The following KAZN variants were observed in gnomAD, a reference collection of about 807,000 sequenced individuals.
KAZN encodes kazrin.
In KAZN, 40 loss-of-function variants were observed where a neutral mutation model predicts 87.4. That is an observed-to-expected ratio of 0.46 (90% CI 0.36 to 0.60). KAZN has a LOEUF of 0.60. KAZN is among the 20% of genes least tolerant of loss of function. KAZN has a pLI of 0.00. For missense variants in KAZN, 898 were observed against 1,073.9 expected (o/e 0.84, Z 2.29); for synonymous variants, 466 against 458.3 (o/e 1.02, Z -0.22).
In KAZN at chr1:14,533,018, T is replaced by C. The variant is rs920626887; in HGVS notation, c.250-65965T>C. 1.4e-4 allele frequency among the ~76,000 whole-genome samples: 22 copies of C among 152,194 alleles called. 1 individual carries two copies. The highest frequency in any genetic ancestry group is 1.2e-3 in the Admixed American group (19 of 15,278). On this transcript the variant is annotated intron_variant, in intron 2 of 16. Transcript: ENST00000636203. ...GGATGGCTGGGTCAGATGGTATTTC[T>C]AGTTCTAGATCCCTGAGGAATCGCC...
chr1:14,306,988 A>G (rs755290460), intron 2 of KAZN, among the ~76,000 whole-genome samples: 4 of 152,170 alleles, frequency 2.6e-5, no homozygotes, highest in African/African-American at 4.8e-5. Flanking sequence ...GTGACGTCCA[A>G]TTCTACCAGT....
At chr1:14,846,296 G>A (rs1161924325) in intron 1 of KAZN, among the ~76,000 whole-genome samples, 1 of 152,138 alleles carries the variant, frequency 6.6e-6, no homozygotes, top group Non-Finnish European at 1.5e-5. Flanking sequence ...TTTGACTATG[G>A]AGCTTTTTGT....
chr1:14,401,142 A>C (rs1159652756), intron 2 of KAZN, among the ~76,000 whole-genome samples: 1 of 152,218 alleles, frequency 6.6e-6, no homozygotes, highest in Non-Finnish European at 1.5e-5. Flanking sequence ...TAAGGCTTCA[A>C]GGAAGTGATG....
chr1:14,073,610 C>T (rs1350586528), intron 1 of KAZN, among the ~76,000 whole-genome samples: 2 of 151,888 alleles, frequency 1.3e-5, no homozygotes, highest in East Asian at 1.9e-4. Context: ...TCCATGTGTT[C>T]TCATTGTTCA....
intron 2 of KAZN, among the ~76,000 whole-genome samples, chr1:14,371,574 A>AG (rs2101017707): frequency 6.6e-6 from 1 of 152,244 alleles, no homozygotes; most frequent in Admixed American, 6.5e-5. Flanking sequence ...TGTCTAAAGA[A>AG]GAGAGTTTCT....
intron 1 of KAZN, among the ~76,000 whole-genome samples, chr1:14,088,356 A>C (rs144917558): frequency 3.8e-4 from 57 of 151,992 alleles, no homozygotes; most frequent in Middle Eastern, 6.8e-3. Flanking sequence ...CTTAATTAAA[A>C]ATATTTTATA....
chr1:14,607,377 A>G (rs1468789529), intron 1 of KAZN, among the ~76,000 whole-genome samples: 3 of 152,224 alleles, frequency 2.0e-5, no homozygotes, highest in Non-Finnish European at 4.4e-5. Context: ...GAGCCAGGAT[A>G]CAAACACAAG....
intron 2 of KAZN, among the ~76,000 whole-genome samples, chr1:14,410,789 C>CG (rs1664242673): frequency 6.6e-6 from 1 of 152,082 alleles, no homozygotes; most frequent in Non-Finnish European, 1.5e-5. Context: ...GTGGTGTGGC[C>CG]AATAACCAAA....
At chr1:14,103,048 A>T (rs1390447106) in intron 1 of KAZN, among the ~76,000 whole-genome samples, 1 of 151,658 alleles carries the variant, frequency 6.6e-6, no homozygotes, top group Non-Finnish European at 1.5e-5. Flanking sequence ...TCCCAAGCAG[A>T]TGAGGTTATA....
At chr1:13,938,582 A>G (rs61775579) in intron 1 of KAZN, among the ~76,000 whole-genome samples, 14,736 of 152,218 alleles carry the variant, frequency 0.097, 789 homozygotes, top group Middle Eastern at 0.15. Flanking sequence ...GTGTCCAGGC[A>G]GAAGTCTGCT....
chr1:14,405,749 C>A (rs1663799679), intron 2 of KAZN, among the ~76,000 whole-genome samples: 1 of 151,798 alleles, frequency 6.6e-6, no homozygotes, highest in African/African-American at 2.4e-5. Context: ...AGCTGGAGAC[C>A]CCAGAAAGCC....
At chr1:14,603,472 G>A (rs2148604934) in intron 1 of KAZN, among the ~76,000 whole-genome samples, 1 of 152,330 alleles carries the variant, frequency 6.6e-6, no homozygotes, top group Non-Finnish European at 1.5e-5. Context: ...TTACAGATCA[G>A]TACAGTGTGG....
intron 2 of KAZN, among the ~76,000 whole-genome samples, chr1:14,557,644 GTGTGT>G (rs1204077834): frequency 4.2e-5 from 6 of 143,938 alleles, no homozygotes; most frequent in Non-Finnish European, 6.1e-5. Context: ...GTGTGTGTGT[GTGTGT>G]GTGTGTGTGT....
chr1:14,068,222 T>G (rs715339), intron 1 of KAZN, among the ~76,000 whole-genome samples: 24,389 of 152,184 alleles, frequency 0.16, 2,416 homozygotes, highest in African/African-American at 0.26. Flanking sequence ...ACCACCACAT[T>G]AAACTTAGAG....
chr1:14,575,680 G>A (rs1675133639), intron 2 of KAZN, among the ~76,000 whole-genome samples: 1 of 152,156 alleles, frequency 6.6e-6, no homozygotes, highest in African/African-American at 2.4e-5. Flanking sequence ...TGATTAAATG[G>A]AGGAGGAGAC....
At chr1:14,428,923 C>T (rs1665894333) in intron 2 of KAZN, among the ~76,000 whole-genome samples, 1 of 151,602 alleles carries the variant, frequency 6.6e-6, no homozygotes, top group African/African-American at 2.4e-5. Context: ...TATATATAGG[C>T]TTTTCAGGAT....
Position 14,455,808 on chromosome 1 carries a change from A to T in KAZN, c.250-143175A>T, listed in dbSNP as rs563501589. On this transcript the variant is annotated intron_variant, in intron 2 of 16. Coordinates refer to the KAZN transcript ENST00000636203. ...ACTCCTCAAGGAAAGGACTGTGCCCATTTATGCCCCTCTGGCTCAGAGGGA... is the reference window on the plus strand; with the variant it reads ...ACTCCTCAAGGAAAGGACTGTGCCCTTTTATGCCCCTCTGGCTCAGAGGGA... 2.0e-5 allele frequency among the ~76,000 whole-genome samples: 3 copies of T among 152,292 alleles called. No homozygotes were observed. In the South Asian group the frequency reaches 6.2e-4, roughly 32 times the overall value.
At chr1:14,451,737 G>A (rs1667289189) in intron 2 of KAZN, among the ~76,000 whole-genome samples, 1 of 152,136 alleles carries the variant, frequency 6.6e-6, no homozygotes, top group South Asian at 2.1e-4. Context: ...TATAGTTCCA[G>A]TTCAAGTCCA....
chr1:14,418,196 T>G (rs1180795229), intron 2 of KAZN, among the ~76,000 whole-genome samples: 1 of 151,908 alleles, frequency 6.6e-6, no homozygotes, highest in Non-Finnish European at 1.5e-5. Flanking sequence ...AAGGTAGTGT[T>G]GATGAGATAT....
Sources: gnomAD v4.1 joint callset for allele counts (sites outside exome capture counted in the v4.1 genomes callset) on GRCh38, gnomAD v4.1.1 for gene constraint, MANE v1.5 for transcripts, NCBI Gene and HGNC (gene_info 2026-07-23, HGNC 2026-07-21) for gene names.